TRHDE: variants seen among roughly 807,000 people sequenced by gnomAD.
The protein encoded by TRHDE is thyrotropin releasing hormone degrading enzyme.
TRHDE carries 72 observed loss-of-function variants against 125.7 expected under a neutral mutation model. That is an observed-to-expected ratio of 0.57 (90% confidence interval 0.47 to 0.70). TRHDE has a LOEUF of 0.70. Ranked by LOEUF, TRHDE falls within the 30% of genes least tolerant of loss-of-function variation. The pLI is 0.00. For missense variants in TRHDE, 1,110 were observed against 1,327.1 expected (o/e 0.84, Z 2.54); for synonymous variants, 509 against 509.1 (o/e 1.00, Z 0.00).
chr12:72,162,461 G>A (rs2139329405), intron 2 of TRHDE, among the ~76,000 whole-genome samples: 1 of 152,278 alleles, frequency 6.6e-6, no homozygotes, highest in South Asian at 2.1e-4. Flanking sequence ...GTCAACAATA[G>A]TGCAAATAGA....
At chr12:72,279,220 AT>A (rs1234094791) in intron 1 of TRHDE, among the ~76,000 whole-genome samples, 2 of 152,210 alleles carry the variant, frequency 1.3e-5, no homozygotes, top group East Asian at 1.9e-4. Flanking sequence ...GGTCAATATG[AT>A]TTACAAAAAT....
chr12:72,171,579 A>C (rs1290704377), intron 2 of TRHDE, among the ~76,000 whole-genome samples: 3 of 152,260 alleles, frequency 2.0e-5, no homozygotes, highest in East Asian at 1.9e-4. Flanking sequence ...GTCCTGGTCC[A>C]TTTCTGAGGG....
intron 7 of TRHDE, 128 bp from the exon 8 acceptor site, chr12:72,562,033 ATTAT>A (rs547443419): frequency 1.7e-4 from 85 of 499,334 alleles, no homozygotes; most frequent in African/African-American, 1.2e-3. Context: ...TTTAAATGAG[ATTAT>A]TTATCTTTTT....
chr12:72,139,478 G>C (rs1252274359), intron 2 of TRHDE, among the ~76,000 whole-genome samples: 1 of 152,150 alleles, frequency 6.6e-6, no homozygotes, highest in Non-Finnish European at 1.5e-5. Flanking sequence ...AACCTCCCTA[G>C]GGGAGAGTTG....
At chr12:72,371,950 AC>A (rs1230461603) in intron 2 of TRHDE, among the ~76,000 whole-genome samples, 3 of 152,112 alleles carry the variant, frequency 2.0e-5, no homozygotes, top group Admixed American at 1.3e-4. Flanking sequence ...AGTTCTAGAT[AC>A]CTGAGGAATC....
chr12:72,126,599 G>A (rs531886819), intron 2 of TRHDE, among the ~76,000 whole-genome samples: 2 of 152,306 alleles, frequency 1.3e-5, no homozygotes, highest in South Asian at 4.2e-4. Flanking sequence ...AATAAGTAAT[G>A]AGAAGAGGAA....
intron 2 of TRHDE, among the ~76,000 whole-genome samples, chr12:72,157,140 C>G (rs1255854608): frequency 6.7e-6 from 1 of 149,710 alleles, no homozygotes; most frequent in African/African-American, 2.5e-5. Flanking sequence ...TTTTTTTGAG[C>G]TCTGTCGCCC....
chr12:72,210,574 A>G (rs544742571), intron 2 of TRHDE, among the ~76,000 whole-genome samples: 1 of 152,316 alleles, frequency 6.6e-6, no homozygotes, highest in East Asian at 1.9e-4. Flanking sequence ...TGAAATGAAT[A>G]TATGTCAAAA....
chr12:72,370,125 A>T (rs1156555561), intron 2 of TRHDE, among the ~76,000 whole-genome samples: 2 of 152,164 alleles, frequency 1.3e-5, no homozygotes, highest in Non-Finnish European at 1.5e-5. Flanking sequence ...GTGTTCCAGC[A>T]GGTCACTGGA....
At chr12:72,527,250 G>T (rs992028155) in intron 6 of TRHDE, among the ~76,000 whole-genome samples, 1 of 152,080 alleles carries the variant, frequency 6.6e-6, no homozygotes. Context: ...TATGTGTTAC[G>T]TGTAAATTCT....
chr12:72,529,171 A>G (rs533867803), intron 6 of TRHDE, among the ~76,000 whole-genome samples: 1 of 152,172 alleles, frequency 6.6e-6, no homozygotes, highest in Non-Finnish European at 1.5e-5. Flanking sequence ...TAAGAAATTT[A>G]TATAAAATAT....
At chr12:72,635,208 A>T (rs1461605658) in intron 15 of TRHDE, among the ~76,000 whole-genome samples, 7 of 151,912 alleles carry the variant, frequency 4.6e-5, no homozygotes, top group African/African-American at 1.7e-4. Flanking sequence ...CTGGTGTGAG[A>T]TGGTATCTCA....
At chr12:72,274,170 G>A (rs1194496802) in intron 1 of TRHDE, among the ~76,000 whole-genome samples, 6 of 152,172 alleles carry the variant, frequency 3.9e-5, no homozygotes, top group East Asian at 1.9e-4. Flanking sequence ...GGACCGGGAC[G>A]GGGGTGGAGG....
chr12:72,384,511 G>T (rs1872328827), intron 3 of TRHDE, among the ~76,000 whole-genome samples: 1 of 152,028 alleles, frequency 6.6e-6, no homozygotes, highest in Non-Finnish European at 1.5e-5. Context: ...AATGCTGTAG[G>T]AATAAAATGC....
intron 2 of TRHDE, among the ~76,000 whole-genome samples, chr12:72,204,365 A>G (rs1392535656): frequency 6.6e-6 from 1 of 152,120 alleles, no homozygotes; most frequent in Admixed American, 6.5e-5. Flanking sequence ...ATTTACCTGA[A>G]TCTTCTCCTA....
intron 2 of TRHDE, 95 bp from the exon 3 acceptor site, chr12:72,377,900 G>C (rs1314994451): frequency 3.5e-6 from 3 of 868,072 alleles, no homozygotes; most frequent in African/African-American, 1.7e-5. Context: ...AAGTTTTGTA[G>C]TATTCTAAGT....
intron 2 of TRHDE, among the ~76,000 whole-genome samples, chr12:72,372,114 G>A (rs1871625858): frequency 6.7e-6 from 1 of 149,772 alleles, no homozygotes; most frequent in Admixed American, 6.6e-5. Flanking sequence ...TCTCATTGTG[G>A]TTTTGATTTG....
At chr12:72,367,117 T>C (rs1388617373) in intron 2 of TRHDE, among the ~76,000 whole-genome samples, 1 of 152,046 alleles carries the variant, frequency 6.6e-6, no homozygotes, top group East Asian at 1.9e-4. Flanking sequence ...AATTGTAAAT[T>C]CTCCTCCTTC....
intron 3 of TRHDE, among the ~76,000 whole-genome samples, chr12:72,436,023 T>C (rs1874729525): frequency 6.6e-6 from 1 of 152,064 alleles, no homozygotes; most frequent in Non-Finnish European, 1.5e-5. Flanking sequence ...AATGAAAATA[T>C]AAACGACAAA....
Sources: gnomAD v4.1 joint callset for allele counts (sites outside exome capture counted in the v4.1 genomes callset) on GRCh38, gnomAD v4.1.1 for gene constraint, MANE v1.5 for transcripts, NCBI Gene and HGNC (gene_info 2026-07-23, HGNC 2026-07-21) for gene names.